ZNF841: variants seen among roughly 807,000 people sequenced by gnomAD.
The protein encoded by ZNF841 is TCONS_00006091.
ZNF841 carries 11 observed loss-of-function variants against 13.0 expected under a neutral mutation model. The observed-to-expected ratio is 0.85, with a 90% confidence interval of 0.53 to 1.40. ZNF841 has a LOEUF of 1.40. ZNF841 is among the 40% of genes most tolerant of loss of function. ZNF841 has a pLI of 0.00. For synonymous variants in ZNF841, 369 were observed against 381.6 expected (o/e 0.97, Z 0.38); for missense variants, 1,068 against 1,139.5 (o/e 0.94, Z 0.90).
downstream of ZNF841, among the ~76,000 whole-genome samples, chr19:52,061,971 C>G (rs914113909): frequency 3.9e-5 from 6 of 152,128 alleles, no homozygotes; most frequent in African/African-American, 1.4e-4. Context: ...ACTAAGTCCC[C>G]CAAACACTCA....
In ZNF841 at chr19:52,076,991, T is replaced by C; in HGVS notation, c.109A>G (p.Met37Val). ...CCGAGGTTCCTGTAGTTCTCCAACA[T>C]CACGTCCCTGTACAAAGCTTTCTGA... is the stretch of plus-strand genomic sequence containing the variant. ...PVQKALYRDV[M>V]LENYRNLGFL... Residue 37 changes from methionine to valine, a missense_variant, in exon 5 of 7, where the codon ATG becomes GTG. Coordinates refer to ENST00000594440, the MANE Select transcript of ZNF841 (RefSeq NM_001136499.2). 1 of 1,613,332 alleles carries C rather than the reference T, an allele frequency of 6.2e-7. No homozygotes were observed.
intron 3 of ZNF841, among the ~76,000 whole-genome samples, chr19:52,086,581 G>A (rs893204272): frequency 6.6e-6 from 1 of 152,148 alleles, no homozygotes; most frequent in Non-Finnish European, 1.5e-5. Context: ...TTCAAGAATG[G>A]ACTAATACAG....
chr19:52,092,541 G>T (rs1180855067), intron 2 of ZNF841, among the ~76,000 whole-genome samples: 1 of 152,146 alleles, frequency 6.6e-6, no homozygotes, highest in Non-Finnish European at 1.5e-5. Flanking sequence ...CACTGTTGCT[G>T]GGAGTGTACA....
Position 52,066,584 on chromosome 19 carries a change from A to T in ZNF841, c.1298T>A (p.Val433Glu). The change falls in exon 7 of 7, where the codon GTA becomes GAA. Residue 433 changes from valine to glutamate, a missense_variant. Val to Glu is a moderately radical substitution (Grantham distance 121). Coordinates refer to ENST00000594440, the MANE Select transcript of ZNF841 (RefSeq NM_001136499.2). The stretch of plus-strand genomic sequence containing the variant: ...ATTCTGATAAAAGACCTTGCCACAT[A>T]CATCACATGTATATGGTTTCTTTCC... Reference protein sequence around the residue: ...HAGKKPYTCDVCGKVFYQNSQ... With the variant: ...HAGKKPYTCDECGKVFYQNSQ... 6.2e-7 allele frequency: 1 copy of T among 1,613,638 alleles called. No homozygotes were observed. The highest frequency in any genetic ancestry group is 8.5e-7 in the Non-Finnish European group (1 of 1,179,806).
chr19:52,064,141 G>A (rs960566611), downstream of ZNF841, among the ~76,000 whole-genome samples: 8 of 151,296 alleles, frequency 5.3e-5, no homozygotes, highest in Non-Finnish European at 1.2e-4. Flanking sequence ...TCAGGAGATC[G>A]AGACCATCCT....
At chr19:52,076,006 C>G in intron 6 of ZNF841, 38 bp downstream of exon 6, 1 of 1,549,156 alleles carries the variant, frequency 6.5e-7, no homozygotes, top group Non-Finnish European at 8.7e-7. Flanking sequence ...CACACAATTT[C>G]ATGGTACCGC....
chr19:52,084,773 G>C lies in ZNF841; in HGVS notation c.15+14C>G. The C allele has an allele frequency of 1.9e-6, 3 of 1,613,402 alleles. No homozygotes were observed. The highest frequency in any genetic ancestry group is 2.5e-6 in the Non-Finnish European group (3 of 1,179,664). Reference sequence around the variant, plus strand: ...GGGAGGAGACAGAACAATCCACCAAGATTATCACTTTACCTGAGGAAGAGC... The same window carrying C: ...GGGAGGAGACAGAACAATCCACCAACATTATCACTTTACCTGAGGAAGAGC... On this transcript the variant is annotated intron_variant, in intron 4 of 6. Transcript: ENST00000594440.
chr19:52,062,450 A>G (rs2087419932), downstream of ZNF841, among the ~76,000 whole-genome samples: 2 of 152,310 alleles, frequency 1.3e-5, no homozygotes, highest in African/African-American at 2.4e-5. Context: ...GTAAATTTAC[A>G]TCATTCTCCA....
intron 1 of ZNF841, among the ~76,000 whole-genome samples, chr19:52,095,201 G>A (rs371440570): frequency 3.3e-4 from 50 of 152,344 alleles, no homozygotes; most frequent in African/African-American, 1.1e-3. Flanking sequence ...AAGAAAAGCA[G>A]TGGCTGTGAA....
intron 3 of ZNF841, among the ~76,000 whole-genome samples, chr19:52,088,039 C>CAAAAA (rs201567770): frequency 8.2e-6 from 1 of 121,474 alleles, no homozygotes; most frequent in African/African-American, 2.9e-5. Context: ...CAAAATACTC[C>CAAAAA]AAAAAAAAAA....
At position 52,065,877 on chromosome 19, in the gene ZNF841, T is replaced by C. The variant is rs985203106; in HGVS notation, c.2005A>G (p.Thr669Ala). 5 of 1,613,906 alleles carry C rather than the reference T, an allele frequency of 3.1e-6. No homozygotes were observed. Among genetic ancestry groups the C allele is most frequent in the African/African-American group, 1.3e-5 (1 of 74,876 alleles). Residue 669 changes from threonine (T) to alanine (A), a missense_variant, in exon 7 of 7, where the codon ACT becomes GCT. Thr to Ala is a moderately conservative substitution (Grantham distance 58). Transcript: ENST00000594440. Reference protein sequence around the residue: ...GKAYTQRSSLTKHLVIHTGEN... With the variant: ...GKAYTQRSSLAKHLVIHTGEN... ...CCAGTATGAATTACCAGATGTTTAGTGAGGCTTGAACGCTGAGTATAGGCT... is the reference window on the plus strand; with the variant it reads ...CCAGTATGAATTACCAGATGTTTAGCGAGGCTTGAACGCTGAGTATAGGCT...
intron 4 of ZNF841, among the ~76,000 whole-genome samples, chr19:52,082,070 G>A (rs182565026): frequency 8.5e-4 from 130 of 152,240 alleles, no homozygotes; most frequent in Non-Finnish European, 1.5e-3. Flanking sequence ...CATCAAGAAC[G>A]TATGTATCCT....
intron 2 of ZNF841, among the ~76,000 whole-genome samples, chr19:52,091,580 T>C (rs1251572283): frequency 6.6e-6 from 1 of 151,900 alleles, no homozygotes; most frequent in Admixed American, 6.6e-5. Flanking sequence ...GAATATACAA[T>C]GAGGAAAGGA....
intron 6 of ZNF841, among the ~76,000 whole-genome samples, chr19:52,074,028 T>C (rs1263452194): frequency 6.6e-6 from 1 of 152,122 alleles, no homozygotes; most frequent in Non-Finnish European, 1.5e-5. Flanking sequence ...AACCGACAAA[T>C]ATATACTTTC....
intron 4 of ZNF841, among the ~76,000 whole-genome samples, chr19:52,077,398 T>C (rs2087940574): frequency 6.6e-6 from 1 of 152,208 alleles, no homozygotes; most frequent in Admixed American, 6.5e-5. Context: ...TGAGCTAGAA[T>C]ACAAGTGGTG....
Position 52,090,630 on chromosome 19 carries a change from A to AGAAAGAAAGAAG in ZNF841, c.-143-1629_-143-1628insCTTCTTTCTTTC, listed in dbSNP as rs1555782680. ...CTTAAAAAAAGAAAGAAAGAAAGAA[A>AGAAAGAAAGAAG]GAAGGAAGGAAGGAAGGAAGGAAGG... On this transcript the variant is annotated intron_variant, in intron 2 of 6. Coordinates refer to ENST00000594440, the MANE Select transcript of ZNF841 (RefSeq NM_001136499.2). Among the ~76,000 whole-genome samples the AGAAAGAAAGAAG allele has an allele frequency of 6.6e-5, 6 of 90,610 alleles. 1 individual carries two copies. In the East Asian group the frequency reaches 1.8e-3, roughly 27 times the overall value. 59.4% of individuals were successfully genotyped at this position (90,610 alleles called of 152,430 possible). A position where few individuals can be genotyped will look rare whatever the true frequency, so the allele number is the denominator to read the frequency against.
chr19:52,075,587 A>G (rs1418536861), intron 6 of ZNF841, among the ~76,000 whole-genome samples: 1 of 152,206 alleles, frequency 6.6e-6, no homozygotes, highest in Admixed American at 6.5e-5. Flanking sequence ...ATGTTTCCTC[A>G]TCTCCTGACC....
chr19:52,083,891 C>T (rs969431379), intron 4 of ZNF841, among the ~76,000 whole-genome samples: 1 of 150,708 alleles, frequency 6.6e-6, no homozygotes, highest in Non-Finnish European at 1.5e-5. Context: ...TATAATAACA[C>T]GTTATTCCCT....
downstream of ZNF841, among the ~76,000 whole-genome samples, chr19:52,063,495 C>T (rs1779510692): frequency 6.6e-6 from 1 of 151,958 alleles, no homozygotes; most frequent in Admixed American, 6.6e-5. Context: ...ATTACAGGTG[C>T]CCACCACTGC....
Sources: gnomAD v4.1 joint callset for allele counts (sites outside exome capture counted in the v4.1 genomes callset) on GRCh38, gnomAD v4.1.1 for gene constraint, MANE v1.5 for transcripts, NCBI Gene and HGNC (gene_info 2026-07-23, HGNC 2026-07-21) for gene names.